The following CCDC50 variants were observed in gnomAD, a reference collection of about 807,000 sequenced individuals.
CCDC50 encodes coiled-coil domain containing 50.
A neutral mutation model predicts 70.2 loss-of-function variants in CCDC50; 54 were observed. The ratio of observed to expected loss-of-function variants is 0.77; its 90% confidence interval spans 0.62 to 0.96. The LOEUF (loss-of-function observed/expected upper bound fraction) is 0.96. Ranked by LOEUF, CCDC50 falls within the 50% of genes least tolerant of loss-of-function variation. The probability of loss-of-function intolerance (pLI) is 0.00; values close to 1 mark genes in which losing one functional copy is unlikely to be tolerated. For synonymous variants in CCDC50, 216 were observed against 198.8 expected, an observed-to-expected ratio of 1.09 and a Z score of -0.73; for missense variants, 558 against 578.7, an observed-to-expected ratio of 0.96 and a Z score of 0.37.
chr3:191,370,036 G>T lies in CCDC50; in HGVS notation c.448G>T (p.Asp150Tyr). Residue 150 changes from aspartate (D) to tyrosine (Y), a missense_variant and splice_region_variant, in exon 5 of 12, where the codon GAC becomes TAC. Coordinates refer to ENST00000392455, the MANE Select transcript of CCDC50 (RefSeq NM_178335.3). Reference sequence around the variant, plus strand: ...AGATAGTTACTATTATGAAGATGGAGGTAACAATTCCTGCATCATGATCTA... The same window carrying T: ...AGATAGTTACTATTATGAAGATGGATGTAACAATTCCTGCATCATGATCTA... ...YADSYYYEDGDQPGSRRAREL... is the reference protein window; with the variant it reads ...YADSYYYEDGYQPGSRRAREL... The T allele has an allele frequency of 6.4e-7, 1 of 1,566,176 alleles. No individual in the cohort carries two copies. The highest frequency in any genetic ancestry group is 8.8e-7 in the Non-Finnish European group (1 of 1,137,008).
At chr3:191,338,055 A>G (rs1199575974) in intron 1 of CCDC50, among the ~76,000 whole-genome samples, 1 of 152,014 alleles carries the variant, frequency 6.6e-6, no homozygotes, top group Non-Finnish European at 1.5e-5. Flanking sequence ...TTGTTTTTCC[A>G]ATGAGTCATA....
In CCDC50 at chr3:191,380,139, G is replaced by GTT. The variant is rs34031057; in HGVS notation, c.977-6_977-5dup. ...ATCCTCGGTTGTTTTATTACATTGAGTTTTTTTTTTTTTTTAAAGGAATGA... is the reference window on the plus strand; with the variant it reads ...ATCCTCGGTTGTTTTATTACATTGAGTTTTTTTTTTTTTTTTTAAAGGAATGA... On this transcript the variant is annotated intron_variant, in intron 6 of 11. Coordinates refer to ENST00000392455, the MANE Select transcript of CCDC50 (RefSeq NM_178335.3). The GTT allele has an allele frequency of 0.084, 97,369 of 1,153,082 alleles. 594 individuals are homozygous for GTT. The highest frequency in any genetic ancestry group is 0.21 in the East Asian group (8,263 of 38,840). 71.4% of individuals were successfully genotyped at this position (1,153,082 alleles called of 1,614,324 possible). A position where few individuals can be genotyped will look rare whatever the true frequency, so the allele number is the denominator to read the frequency against.
intron 4 of CCDC50, among the ~76,000 whole-genome samples, chr3:191,369,406 A>G (rs143495359): frequency 0.023 from 3,455 of 152,188 alleles, 58 homozygotes; most frequent in Middle Eastern, 0.058. Context: ...TCACTTAATG[A>G]CTGCTAAAAA....
intron 1 of CCDC50, among the ~76,000 whole-genome samples, chr3:191,346,340 G>A (rs998505572): frequency 4.6e-5 from 7 of 152,094 alleles, no homozygotes; most frequent in East Asian, 1.9e-4. Flanking sequence ...TGTTTAAAAC[G>A]GAAGATAAGC....
intron 9 of CCDC50, among the ~76,000 whole-genome samples, chr3:191,382,086 A>G (rs1168366914): frequency 6.6e-6 from 1 of 152,190 alleles, no homozygotes; most frequent in Admixed American, 6.6e-5. Context: ...AAATAAATTA[A>G]GCCACAAATA....
At chr3:191,379,997 G>C (rs574519114) in intron 6 of CCDC50, among the ~76,000 whole-genome samples, 162 bp from the exon 7 acceptor site, 4 of 151,860 alleles carry the variant, frequency 2.6e-5, no homozygotes, top group Non-Finnish European at 4.4e-5. Context: ...TCCATTCCTA[G>C]GGCAAAAATA....
intron 1 of CCDC50, among the ~76,000 whole-genome samples, chr3:191,331,453 CTA>C (rs1169950576): frequency 6.6e-6 from 1 of 152,196 alleles, no homozygotes; most frequent in African/African-American, 2.4e-5. Flanking sequence ...TTTCCACACT[CTA>C]GAGTCTAATA....
In CCDC50 at chr3:191,329,460, G is replaced by T; in HGVS notation, c.-215G>T. On this transcript the variant is annotated 5_prime_UTR_variant, in exon 1 of 12. Transcript: ENST00000392455. ...ACGCGGAGCAGGTGGCCGCGGCGGG[G>T]CAGCTGGGCCGCCAGCTTGGTGCCT... 1 of 470,932 alleles carries T rather than the reference G, an allele frequency of 2.1e-6. No homozygotes were observed. The highest frequency in any genetic ancestry group is 3.7e-6 in the Non-Finnish European group (1 of 268,780). The allele number at this position is 470,932 out of a possible 1,614,324, so 29.2% of individuals were successfully genotyped here. A position where few individuals can be genotyped will look rare whatever the true frequency, so the allele number is the denominator to read the frequency against.
intron 1 of CCDC50, among the ~76,000 whole-genome samples, chr3:191,345,767 T>G (rs916870466): frequency 6.6e-5 from 10 of 152,234 alleles, no homozygotes; most frequent in African/African-American, 2.2e-4. Flanking sequence ...GAACATACTT[T>G]GATAAATTAC....
intron 4 of CCDC50, among the ~76,000 whole-genome samples, chr3:191,368,069 A>G (rs939086250): frequency 1.3e-5 from 2 of 151,882 alleles, no homozygotes; most frequent in African/African-American, 4.8e-5. Flanking sequence ...TTAAGATTGA[A>G]TAGTTCAAAC....
intron 1 of CCDC50, among the ~76,000 whole-genome samples, chr3:191,338,892 C>A (rs1245184181): frequency 6.6e-6 from 1 of 152,082 alleles, no homozygotes; most frequent in Non-Finnish European, 1.5e-5. Flanking sequence ...TTTTTGTACA[C>A]GTTCCAGTAA....
intron 1 of CCDC50, 95 bp downstream of exon 1, chr3:191,329,818 C>G: frequency 7.5e-7 from 1 of 1,342,096 alleles, no homozygotes; most frequent in Admixed American, 2.1e-5. Context: ...CTCCCGCGGC[C>G]CTCGCCCGGT....
rs529890734 is a variant in CCDC50 at position 191,395,295 on chromosome 3, A to C, written c.*3535A>C. The C allele has an allele frequency of 1.5e-4, 23 of 152,164 alleles. No homozygotes were observed. Among genetic ancestry groups the C allele is most frequent in the Non-Finnish European group, 3.1e-4 (21 of 67,994 alleles). The allele number at this position is 152,164 out of a possible 1,614,324, so 9.4% of individuals were successfully genotyped here. ...CTCAAAGTTAGAACTTTTCAGTATA[A>C]AAATAATTAGCTTTTAACTGATTAT... is the stretch of plus-strand genomic sequence containing the variant. On this transcript the variant is annotated 3_prime_UTR_variant, in exon 12 of 12. Transcript: ENST00000392455.
intron 9 of CCDC50, among the ~76,000 whole-genome samples, 159 bp downstream of exon 9, chr3:191,381,091 A>G (rs1399859006): frequency 1.3e-5 from 2 of 152,188 alleles, no homozygotes; most frequent in Non-Finnish European, 2.9e-5. Context: ...TTCCATCACC[A>G]TGAAAAATCA....
rs1242681774 is a variant in CCDC50, at chr3:191,395,500, A to G, written c.*3740A>G. 1 of 152,164 alleles carries G rather than the reference A, an allele frequency of 6.6e-6. No homozygotes were observed. Among genetic ancestry groups the G allele is most frequent in the Non-Finnish European group, 1.5e-5 (1 of 68,014 alleles). 9.4% of individuals were successfully genotyped at this position (152,164 alleles called of 1,614,324 possible). On this transcript the variant is annotated 3_prime_UTR_variant, in exon 12 of 12. Transcript: ENST00000392455. ...GCTTTGGGGAATACCAAGATGATTC[A>G]TTATTCAGTGATTATTTTCTTGAAA...
At chr3:191,387,647 A>G (rs1237710639) in intron 10 of CCDC50, among the ~76,000 whole-genome samples, 1 of 152,026 alleles carries the variant, frequency 6.6e-6, no homozygotes, top group Non-Finnish European at 1.5e-5. Context: ...AGAGCATTCT[A>G]GAACAGTACC....
intron 6 of CCDC50, 37 bp from the exon 7 acceptor site, chr3:191,380,122 T>C: frequency 1.6e-6 from 2 of 1,263,714 alleles, no homozygotes; most frequent in Non-Finnish European, 2.3e-6. Flanking sequence ...ACATCCTCGG[T>C]TGTTTTATTA....
intron 7 of CCDC50, 68 bp from the exon 8 acceptor site, chr3:191,380,619 C>A: frequency 6.9e-7 from 1 of 1,445,992 alleles, no homozygotes; most frequent in Non-Finnish European, 9.6e-7. Context: ...TTATTTTGTA[C>A]AAGATACTGA....
At chr3:191,332,271 A>G (rs182896554) in intron 1 of CCDC50, among the ~76,000 whole-genome samples, 154 of 152,338 alleles carry the variant, frequency 1.0e-3, no homozygotes, top group Non-Finnish European at 1.6e-3. Flanking sequence ...AAAAATATTC[A>G]TCATTTGGAC....
Sources: allele counts gnomAD v4.1 joint callset (sites outside exome capture counted in the v4.1 genomes callset), GRCh38; gene constraint gnomAD v4.1.1; transcripts MANE v1.5; gene names NCBI Gene and HGNC (gene_info 2026-07-23, HGNC 2026-07-21).